Variants in ATP13A5 observed in about 807,000 individuals in gnomAD.
ATP13A5 encodes the protein ATPase 13A5, also known as probable cation-transporting ATPase 13A5.
Under a neutral mutation model 150.2 loss-of-function variants are expected in ATP13A5, and 149 were observed. The observed-to-expected ratio is 0.99, with a 90% confidence interval of 0.87 to 1.14. The LOEUF is 1.14. ATP13A5 is among the 50% of genes most tolerant of loss of function. The pLI, the probability that ATP13A5 is intolerant of heterozygous loss-of-function variation, is 0.00. For synonymous variants in ATP13A5, 497 were observed against 522.2 expected (o/e 0.95, Z 0.66); for missense variants, 1,383 against 1,449.3 (o/e 0.95, Z 0.74).
At chr3:193,302,642 G>T (rs948757910) in intron 23 of ATP13A5, among the ~76,000 whole-genome samples, 2 of 152,190 alleles carry the variant, frequency 1.3e-5, no homozygotes, top group Admixed American at 1.3e-4. Flanking sequence ...CCAGCATAGT[G>T]CTAGGCATAA....
At chr3:193,367,384 C>G (rs577752624) in intron 1 of ATP13A5, among the ~76,000 whole-genome samples, 2 of 152,088 alleles carry the variant, frequency 1.3e-5, no homozygotes, top group Middle Eastern at 3.4e-3. Context: ...GCCCAGAGAA[C>G]TTGTGATTCC....
chr3:193,282,235 C>T (rs556293596), intron 27 of ATP13A5, among the ~76,000 whole-genome samples: 22 of 152,102 alleles, frequency 1.4e-4, no homozygotes, highest in African/African-American at 5.3e-4. Flanking sequence ...CAAATATATT[C>T]TGCTTGTAAA....
chr3:193,310,606 A>G, intron 21 of ATP13A5, 32 bp downstream of exon 21: 2 of 1,530,052 alleles, frequency 1.3e-6, no homozygotes, highest in Non-Finnish European at 1.8e-6. Context: ...AGAGTTAATG[A>G]GCACACTCTT....
chr3:193,314,213 T>G lies in ATP13A5; in HGVS notation c.2159-20A>C. ...TATCACCTAGAAGACAAAGAAACTT[T>G]GCTTGCTGTATGTACAAACCTCCCC... On this transcript the variant is annotated intron_variant, in intron 18 of 29. Coordinates refer to ENST00000342358, the MANE Select transcript of ATP13A5 (RefSeq NM_198505.4). 6.2e-7 allele frequency: 1 copy of G among 1,611,796 alleles called. No homozygotes were observed. Among genetic ancestry groups the G allele is most frequent in the Non-Finnish European group, 8.5e-7 (1 of 1,178,706 alleles).
chr3:193,289,846 A>C, intron 26 of ATP13A5, 39 bp downstream of exon 26: 1 of 1,524,692 alleles, frequency 6.6e-7, no homozygotes, highest in Non-Finnish European at 8.8e-7. Flanking sequence ...ATATTTATTA[A>C]ATTACCTTTC....
intron 1 of ATP13A5, among the ~76,000 whole-genome samples, chr3:193,367,841 G>A (rs1560153291): frequency 6.6e-6 from 1 of 152,134 alleles, no homozygotes; most frequent in Non-Finnish European, 1.5e-5. Flanking sequence ...AACATCATGT[G>A]TAATGATGAA....
intron 5 of ATP13A5, 135 bp from the exon 6 acceptor site, chr3:193,354,331 CT>C: frequency 1.4e-6 from 1 of 730,112 alleles, no homozygotes; most frequent in Non-Finnish European, 2.2e-6. Flanking sequence ...TGTGCAAGTT[CT>C]TTTGAAACGT....
At chr3:193,323,285 A>G (rs1239816429) in intron 14 of ATP13A5, 2 of 152,146 alleles carry the variant, frequency 1.3e-5, no homozygotes, top group East Asian at 3.9e-4. Flanking sequence ...CATCCCATCA[A>G]ATGCTAAAAT....
chr3:193,290,046 A>C lies in ATP13A5; in HGVS notation c.2862T>G (p.His954Gln). ...LMVCLTMSST[H>Q]AYPKLAPYRP... ...TATATGGAGCCAGCTTTGGGTAGGCATGAGTTGAACTCACTGAAAGACAAA... is the reference window on the plus strand; with the variant it reads ...TATATGGAGCCAGCTTTGGGTAGGCCTGAGTTGAACTCACTGAAAGACAAA... Residue 954 changes from histidine (H) to glutamine (Q), a missense_variant, in exon 26 of 30, where the codon CAT (histidine) becomes CAG (glutamine). This residue lies in a region of ATP13A5 where 568 missense variants were observed against 621.5 expected (regional missense o/e 0.91). Coordinates refer to ENST00000342358, the MANE Select transcript of ATP13A5 (RefSeq NM_198505.4). The C allele has an allele frequency of 1.2e-6, 2 of 1,606,396 alleles. No homozygotes were observed. Among genetic ancestry groups the C allele is most frequent in the South Asian group, 1.1e-5 (1 of 89,386 alleles).
At chr3:193,346,284 A>T (rs1712332584) in intron 7 of ATP13A5, among the ~76,000 whole-genome samples, 1 of 152,174 alleles carries the variant, frequency 6.6e-6, no homozygotes, top group Non-Finnish European at 1.5e-5. Context: ...GACTTGCTTG[A>T]GATCGTTTAT....
At position 193,362,761 on chromosome 3, in the gene ATP13A5, CTTTCTTTCT is replaced by C. The variant is rs1560150968; in HGVS notation, c.385-133_385-125del. 4.2e-4 allele frequency: 56 copies of C among 133,590 alleles called. 1 individual carries two copies. The highest frequency in any genetic ancestry group is 2.7e-3 in the African/African-American group (53 of 19,392). 8.3% of individuals were successfully genotyped at this position (133,590 alleles called of 1,614,324 possible). A position where few individuals can be genotyped will look rare whatever the true frequency, so the allele number is the denominator to read the frequency against. On this transcript the variant is annotated intron_variant, in intron 3 of 29. Coordinates refer to ENST00000342358, the MANE Select transcript of ATP13A5 (RefSeq NM_198505.4). ...TCTCACTTGCTTTCCTTCTTTCTTTCTTTCTTTCTTTCTTTCTTTCTTTCTTTCTTTCTT... is the reference window on the plus strand; with the variant it reads ...TCTCACTTGCTTTCCTTCTTTCTTTCTTCTTTCTTTCTTTCTTTCTTTCTT...
chr3:193,319,764 CA>C (rs1255234477), intron 16 of ATP13A5, among the ~76,000 whole-genome samples: 3 of 110,598 alleles, frequency 2.7e-5, no homozygotes, highest in African/African-American at 5.2e-5. Context: ...TTTTCTAGAT[CA>C]GGGGTCAAAA....
intron 9 of ATP13A5, among the ~76,000 whole-genome samples, chr3:193,339,708 A>T (rs866502558): frequency 2.0e-5 from 3 of 152,204 alleles, no homozygotes; most frequent in Non-Finnish European, 4.4e-5. Flanking sequence ...AAGGGTTAGA[A>T]TGTTTTGACA....
rs1293749409 is a variant in ATP13A5 at position 193,294,237 on chromosome 3, A to T, written c.2849-4178T>A. ...CCTGGAAATAAAGAAAGTGACCTCC[A>T]TTTTTATCCTTTAGTGTTCTAGTCA... On this transcript the variant is annotated intron_variant, in intron 25 of 29. Transcript: ENST00000342358. Among the ~76,000 whole-genome samples the T allele has an allele frequency of 2.6e-5, 4 of 151,872 alleles. No homozygotes were observed. In the East Asian group the frequency reaches 7.8e-4, roughly 30 times the overall value.
chr3:193,369,901 T>C (rs1006197722), intron 1 of ATP13A5, among the ~76,000 whole-genome samples: 2 of 152,192 alleles, frequency 1.3e-5, no homozygotes, highest in Non-Finnish European at 1.5e-5. Flanking sequence ...CAGTCAATGA[T>C]AACAGGTGAT....
chr3:193,368,089 A>G (rs1713301202), intron 1 of ATP13A5, among the ~76,000 whole-genome samples: 1 of 152,160 alleles, frequency 6.6e-6, no homozygotes, highest in South Asian at 2.1e-4. Context: ...CCAAAAGAAT[A>G]TACAAAGTAT....
intron 1 of ATP13A5, among the ~76,000 whole-genome samples, chr3:193,378,302 A>G (rs1713714730): frequency 6.6e-6 from 1 of 152,204 alleles, no homozygotes; most frequent in Non-Finnish European, 1.5e-5. Context: ...AATAAAAAAG[A>G]GTTCTTGTTT....
chr3:193,345,971 G>A (rs1007500731), intron 7 of ATP13A5, among the ~76,000 whole-genome samples: 1 of 152,002 alleles, frequency 6.6e-6, no homozygotes, highest in Non-Finnish European at 1.5e-5. Flanking sequence ...GATTGCATGT[G>A]GGACAGCCAT....
At position 193,321,790 on chromosome 3, in the gene ATP13A5, C is replaced by G. The variant is rs138029126; in HGVS notation, c.1806G>C (p.Ser602=). The change falls in exon 16 of 30, where the codon TCG becomes TCC. Residue 602 remains serine, a synonymous_variant. Transcript: ENST00000342358. The part of the protein sequence containing the change: ...IITLCQFPFS[S]SLQRMSVIAQ... ...CGATCACGGACATCCTCTGCAGGCT[C>G]GAGGAAAATGGAAACTGGCACAAGG... 1.3e-5 allele frequency: 21 copies of G among 1,613,938 alleles called. No homozygotes were observed. The Admixed American group carries it at 2.0e-4, about 15-fold the overall frequency.
Sources: allele counts gnomAD v4.1 joint callset (sites outside exome capture counted in the v4.1 genomes callset), GRCh38; gene constraint gnomAD v4.1.1; regional missense constraint gnomAD v4.1.1; transcripts MANE v1.5; gene names NCBI Gene and HGNC (gene_info 2026-07-23, HGNC 2026-07-21).